PLEKHM3: variants seen among roughly 807,000 people sequenced by gnomAD.
PLEKHM3 encodes pleckstrin homology domain-containing family M member 3.
A neutral mutation model predicts 81.8 loss-of-function variants in PLEKHM3; 45 were observed. The ratio of observed to expected loss-of-function variants is 0.55; its 90% CI spans 0.43 to 0.71. The LOEUF is 0.71. PLEKHM3 is among the 30% of genes least tolerant of loss of function. The probability of loss-of-function intolerance (pLI) is 0.00; values close to 1 mark genes in which losing one functional copy is unlikely to be tolerated. For synonymous variants in PLEKHM3, 352 were observed against 356.4 expected, an observed-to-expected ratio of 0.99 and a Z score of 0.14; for missense variants, 788 against 924.3, an observed-to-expected ratio of 0.85 and a Z score of 1.91.
At chr2:207,950,702 G>A (rs1221390347) in intron 3 of PLEKHM3, among the ~76,000 whole-genome samples, 2 of 152,154 alleles carry the variant, frequency 1.3e-5, no homozygotes, top group African/African-American at 2.4e-5. Context: ...CAAAAGTGCA[G>A]AGGGGGTGCA....
chr2:208,006,389 G>C lies in PLEKHM3; in HGVS notation c.-318-4432C>G, dbSNP rs148664192. Among the ~76,000 whole-genome samples, 372 of 152,340 alleles carry C rather than the reference G, an allele frequency of 2.4e-3. 3 individuals are homozygous for C. The highest frequency in any genetic ancestry group is 8.3e-3 in the African/African-American group (347 of 41,578). ...AATAAGATCAGCATGTGGGTGCAGT[G>C]TGGCTTGCCTCAGTACAAAACTGGA... On this transcript the variant is annotated intron_variant, in intron 1 of 7. Coordinates refer to ENST00000427836, the MANE Select transcript of PLEKHM3 (RefSeq NM_001080475.3).
In PLEKHM3 at chr2:207,828,226, T is replaced by C. The variant is rs1575257886; in HGVS notation, c.*93A>G. 7.8e-7 allele frequency: 1 copy of C among 1,275,936 alleles called. No individual in the cohort carries two copies. The allele number at this position is 1,275,936 out of a possible 1,614,324, so 79.0% of individuals were successfully genotyped here. ...TCTAGTTGAAGAGGATACATACTCT[T>C]CTTCCAAAGGGGTCTAACTGGCTAG... On this transcript the variant is annotated 3_prime_UTR_variant, in exon 8 of 8. Coordinates refer to ENST00000427836, the MANE Select transcript of PLEKHM3 (RefSeq NM_001080475.3).
At chr2:207,883,134 T>C in intron 6 of PLEKHM3, among the ~76,000 whole-genome samples, 1 of 152,170 alleles carries the variant, frequency 6.6e-6, no homozygotes, top group East Asian at 1.9e-4. Flanking sequence ...CTCAGCTGAG[T>C]GTTCTGTCTC....
intron 4 of PLEKHM3, among the ~76,000 whole-genome samples, chr2:207,936,691 A>G (rs1330780763): frequency 1.3e-5 from 2 of 152,198 alleles, no homozygotes; most frequent in African/African-American, 2.4e-5. Flanking sequence ...GTACATGCCT[A>G]TATCTAGGAA....
At chr2:207,883,064 A>T (rs961402253) in intron 6 of PLEKHM3, among the ~76,000 whole-genome samples, 3 of 152,110 alleles carry the variant, frequency 2.0e-5, no homozygotes, top group African/African-American at 7.2e-5. Flanking sequence ...CACATACTCA[A>T]CTTAGGATGC....
chr2:208,014,189 A>T lies in PLEKHM3; in HGVS notation c.-319+11200T>A, dbSNP rs533011128. ...GTCAGGAAACAAGCAAGGCTGGCAA[A>T]GGCAGACAAAACACTGTCTCTGACC... is the stretch of plus-strand genomic sequence containing the variant. On this transcript the variant is annotated intron_variant, in intron 1 of 7. Transcript: ENST00000427836. Among the ~76,000 whole-genome samples, 56 of 152,358 alleles carry T rather than the reference A, an allele frequency of 3.7e-4. 1 individual carries two copies. The South Asian group carries it at 0.011, about 31-fold the overall frequency.
At chr2:207,925,147 GTT>G (rs541574567) in intron 5 of PLEKHM3, among the ~76,000 whole-genome samples, 3 of 97,368 alleles carry the variant, frequency 3.1e-5, no homozygotes, top group Admixed American at 2.0e-4. Flanking sequence ...TTTGTTTTTT[GTT>G]TTTTTTTTTT....
chr2:207,947,028 T>C (rs1422006478), intron 3 of PLEKHM3, among the ~76,000 whole-genome samples: 2 of 152,372 alleles, frequency 1.3e-5, no homozygotes. Context: ...GATTTGGCTC[T>C]AAATTGGATG....
At chr2:208,003,278 T>C (rs1237426007) in intron 1 of PLEKHM3, among the ~76,000 whole-genome samples, 1 of 152,246 alleles carries the variant, frequency 6.6e-6, no homozygotes, top group East Asian at 1.9e-4. Context: ...AAACACTTTC[T>C]TTTGTAAATT....
chr2:207,931,030 G>A lies in PLEKHM3; in HGVS notation c.1782C>T (p.His594=), dbSNP rs763994089. 24 of 1,614,120 alleles carry A rather than the reference G, an allele frequency of 1.5e-5. No individual in the cohort carries two copies. In the African/African-American group the frequency reaches 2.5e-4, roughly 17 times the overall value. Residue 594 remains histidine, a synonymous_variant, in exon 5 of 8, where the codon CAC becomes CAT. Transcript: ENST00000427836. ...IQQENAMLYH[H]AEPLAAVLRL... ...GCAGCACGGCGGCCAGCGGCTCTGCGTGGTGGTACAGCATGGCGTTCTCCT... is the reference window on the plus strand; with the variant it reads ...GCAGCACGGCGGCCAGCGGCTCTGCATGGTGGTACAGCATGGCGTTCTCCT...
chr2:207,873,530 C>G (rs920164189), intron 6 of PLEKHM3, among the ~76,000 whole-genome samples: 2 of 152,158 alleles, frequency 1.3e-5, no homozygotes, highest in Non-Finnish European at 2.9e-5. Context: ...GGAATATCTG[C>G]GGAGCTAGAT....
At chr2:207,878,954 T>C (rs1180955494) in intron 6 of PLEKHM3, among the ~76,000 whole-genome samples, 1 of 152,174 alleles carries the variant, frequency 6.6e-6, no homozygotes, top group Non-Finnish European at 1.5e-5. Flanking sequence ...GGACAGCCTC[T>C]TTTTCCTCAC....
intron 3 of PLEKHM3, among the ~76,000 whole-genome samples, chr2:207,956,467 C>T (rs1225974738): frequency 2.0e-5 from 3 of 150,988 alleles, no homozygotes; most frequent in Non-Finnish European, 2.9e-5. Flanking sequence ...TATGAGACTC[C>T]ATCTCAAAAA....
At chr2:207,953,826 A>G (rs74545846) in intron 3 of PLEKHM3, among the ~76,000 whole-genome samples, 1 of 135,862 alleles carries the variant, frequency 7.4e-6, no homozygotes. Context: ...TCTGTCTACA[A>G]AAAAAAAAAA....
intron 7 of PLEKHM3, among the ~76,000 whole-genome samples, chr2:207,852,535 A>C (rs1258119646): frequency 6.6e-6 from 1 of 152,332 alleles, no homozygotes; most frequent in South Asian, 2.1e-4. Context: ...AATGAGGAAA[A>C]GAAAGCCTGA....
intron 1 of PLEKHM3, among the ~76,000 whole-genome samples, chr2:208,010,829 G>A (rs919826478): frequency 6.6e-6 from 1 of 152,158 alleles, no homozygotes; most frequent in Non-Finnish European, 1.5e-5. Flanking sequence ...ATACAGGACT[G>A]TGTTTATCTA....
intron 2 of PLEKHM3, among the ~76,000 whole-genome samples, chr2:207,990,453 T>C (rs1691863031): frequency 6.6e-6 from 1 of 152,212 alleles, no homozygotes; most frequent in Non-Finnish European, 1.5e-5. Context: ...CATCACTCTT[T>C]TCTTTGCATT....
intron 2 of PLEKHM3, among the ~76,000 whole-genome samples, chr2:207,988,717 T>C (rs910029604): frequency 6.6e-6 from 1 of 152,226 alleles, no homozygotes; most frequent in Non-Finnish European, 1.5e-5. Flanking sequence ...CCCTTATGGC[T>C]GAACCCGTCT....
chr2:207,999,481 C>CT, intron 2 of PLEKHM3, among the ~76,000 whole-genome samples: 1 of 152,216 alleles, frequency 6.6e-6, no homozygotes, highest in East Asian at 1.9e-4. Context: ...CCGGGCCTGC[C>CT]TGTAGTCCCA....
Sources: gnomAD v4.1 joint callset for allele counts (sites outside exome capture counted in the v4.1 genomes callset) on GRCh38, gnomAD v4.1.1 for gene constraint, MANE v1.5 for transcripts, NCBI Gene and HGNC (gene_info 2026-07-23, HGNC 2026-07-21) for gene names.